STX17: variants seen among roughly 807,000 people sequenced by gnomAD.
STX17 encodes the protein syntaxin 17.
Under a neutral mutation model 35.9 loss-of-function variants are expected in STX17, and 29 were observed. The ratio of observed to expected loss-of-function variants is 0.81; its 90% confidence interval spans 0.60 to 1.10. The LOEUF is 1.10. Ranked by LOEUF, STX17 falls within the 50% of genes least tolerant of loss-of-function variation. The probability of loss-of-function intolerance (pLI) is 0.00; values close to 1 mark genes in which losing one functional copy is unlikely to be tolerated. For missense variants in STX17, 312 were observed against 352.3 expected, an observed-to-expected ratio of 0.89 and a Z score of 0.92; for synonymous variants, 92 against 118.3, an observed-to-expected ratio of 0.78 and a Z score of 1.44.
At chr9:99,952,000 C>A (rs1829610062) in intron 4 of STX17, among the ~76,000 whole-genome samples, 2 of 152,012 alleles carry the variant, frequency 1.3e-5, no homozygotes, top group South Asian at 4.2e-4. Context: ...TTTTTAGCCA[C>A]CAAAAGTCAG....
At chr9:99,956,189 C>T (rs886489215) in intron 4 of STX17, among the ~76,000 whole-genome samples, 1 of 152,040 alleles carries the variant, frequency 6.6e-6, no homozygotes. Context: ...TCAAGTGAGA[C>T]GTAAATGACT....
Position 99,959,913 on chromosome 9 carries a change from C to T in STX17, c.416-4C>T. 6.3e-7 allele frequency: 1 copy of T among 1,593,068 alleles called. No homozygotes were observed. Among genetic ancestry groups the T allele is most frequent in the Non-Finnish European group, 8.6e-7 (1 of 1,163,168 alleles). ...CTAAACATGGGGTTATTATGTTCATCCAGGAGCATTTCATACTACTGAAGC... is the reference window on the plus strand; with the variant it reads ...CTAAACATGGGGTTATTATGTTCATTCAGGAGCATTTCATACTACTGAAGC... On this transcript the variant is annotated splice_polypyrimidine_tract_variant and splice_region_variant and intron_variant, in intron 4 of 7. Coordinates refer to ENST00000259400, the MANE Select transcript of STX17 (RefSeq NM_017919.3).
intron 2 of STX17, among the ~76,000 whole-genome samples, chr9:99,922,584 C>T (rs566584065): frequency 2.0e-4 from 31 of 152,332 alleles, no homozygotes; most frequent in African/African-American, 7.2e-4. Context: ...CTGTGTCTGT[C>T]ATGTGTCCCA....
At chr9:99,959,603 G>A (rs1475932777) in intron 4 of STX17, among the ~76,000 whole-genome samples, 1 of 151,826 alleles carries the variant, frequency 6.6e-6, no homozygotes, top group African/African-American at 2.4e-5. Flanking sequence ...GGGACTACAG[G>A]TGTGTGCCAC....
intron 6 of STX17, among the ~76,000 whole-genome samples, chr9:99,961,550 C>T (rs1452759512): frequency 1.3e-5 from 2 of 152,084 alleles, no homozygotes; most frequent in African/African-American, 4.8e-5. Context: ...TTGTCTTTCT[C>T]AGGAGTTATG....
At position 99,958,121 on chromosome 9, in the gene STX17, C is replaced by T. The variant is rs570143745; in HGVS notation, c.416-1796C>T. On this transcript the variant is annotated intron_variant, in intron 4 of 7. Transcript: ENST00000259400. The stretch of plus-strand genomic sequence containing the variant: ...AGTAGATTTCCAGCCTTAGACTTTG[C>T]TTTTCTCCTCATCACAGTCAGCTAT... Among the ~76,000 whole-genome samples the T allele has an allele frequency of 2.0e-5, 3 of 152,274 alleles. No individual in the cohort carries two copies. The South Asian group carries it at 6.2e-4, about 32-fold the overall frequency.
chr9:99,930,289 A>G (rs1829091991), intron 3 of STX17, among the ~76,000 whole-genome samples: 1 of 150,460 alleles, frequency 6.6e-6, no homozygotes, highest in South Asian at 2.1e-4. Context: ...TTTTTTTGAG[A>G]CAGAGTCGCC....
chr9:99,963,819 T>C lies in STX17; in HGVS notation c.582+3664T>C, dbSNP rs565411345. 4.2e-4 allele frequency among the ~76,000 whole-genome samples: 64 copies of C among 152,324 alleles called. 2 individuals are homozygous for C. The highest frequency in any genetic ancestry group is 1.5e-3 in the African/African-American group (62 of 41,578). On this transcript the variant is annotated intron_variant, in intron 6 of 7. Transcript: ENST00000259400. ...CCAATATAATCACTTATTTTGCCTA[T>C]ATATCATAGTATTTATAAGTTTGTT...
rs556809543 is a variant in STX17, at chr9:99,907,554, C to T, written c.-63+848C>T. Among the ~76,000 whole-genome samples the T allele has an allele frequency of 3.3e-5, 5 of 152,302 alleles. No individual in the cohort carries two copies. The East Asian group carries it at 9.6e-4, about 29-fold the overall frequency. ...AGTTTGTAAAGCACCTGGCACAGTC[C>T]TGGCACCCCTCTCTCCAAGTATTAA... On this transcript the variant is annotated intron_variant, in intron 1 of 7. Transcript: ENST00000259400.
chr9:99,957,773 C>G (rs1158793817), intron 4 of STX17, among the ~76,000 whole-genome samples: 1 of 151,614 alleles, frequency 6.6e-6, no homozygotes, highest in Admixed American at 6.6e-5. Flanking sequence ...TCTGCCTCAG[C>G]CTCCTGAGTA....
At chr9:99,917,695 T>C (rs1828802730) in intron 2 of STX17, among the ~76,000 whole-genome samples, 1 of 152,216 alleles carries the variant, frequency 6.6e-6, no homozygotes, top group Non-Finnish European at 1.5e-5. Context: ...CTTTCTTGGC[T>C]AATGTAAGAT....
At position 99,970,624 on chromosome 9, in the gene STX17, C is replaced by G. The variant is rs1450132306; in HGVS notation, c.*1951C>G. Among the ~76,000 whole-genome samples, 1 of 152,148 alleles carries G rather than the reference C, an allele frequency of 6.6e-6. No homozygotes were observed. Among genetic ancestry groups the G allele is most frequent in the African/African-American group, 2.4e-5 (1 of 41,428 alleles). On this transcript the variant is annotated 3_prime_UTR_variant, in exon 8 of 8. Coordinates refer to ENST00000259400, the MANE Select transcript of STX17 (RefSeq NM_017919.3). ...GTTCCAGGGGTAATTCTGACATCACCCGTCCAGCATAGTCAGCTGAAATTA... is the reference window on the plus strand; with the variant it reads ...GTTCCAGGGGTAATTCTGACATCACGCGTCCAGCATAGTCAGCTGAAATTA...
chr9:99,966,686 C>T (rs1829918746), intron 6 of STX17, among the ~76,000 whole-genome samples: 1 of 152,084 alleles, frequency 6.6e-6, no homozygotes, highest in African/African-American at 2.4e-5. Context: ...GTTGTTTATA[C>T]ATTTGTGATA....
intron 6 of STX17, among the ~76,000 whole-genome samples, chr9:99,960,724 G>A (rs770531931): frequency 2.0e-5 from 3 of 152,210 alleles, no homozygotes; most frequent in Non-Finnish European, 4.4e-5. Context: ...TTACAGGCAT[G>A]AGCCACCACG....
intron 7 of STX17, among the ~76,000 whole-genome samples, 163 bp from the exon 8 acceptor site, chr9:99,968,271 C>T (rs969552321): frequency 2.6e-5 from 4 of 152,180 alleles, no homozygotes; most frequent in Admixed American, 2.6e-4. Context: ...ATTGCAGTAC[C>T]TGTGGAATAC....
intron 1 of STX17, chr9:99,907,023 G>T (rs746824028): frequency 6.6e-6 from 1 of 152,276 alleles, no homozygotes; most frequent in Non-Finnish European, 1.5e-5. Context: ...GGGTCGCCAG[G>T]GTCGCTGGCG....
rs2118520595 is a variant in STX17, at chr9:99,960,259, T to G, written c.582+104T>G. 6.8e-6 allele frequency: 8 copies of G among 1,178,188 alleles called. No individual in the cohort carries two copies. The South Asian group carries it at 1.1e-4, about 17-fold the overall frequency. The allele number at this position is 1,178,188 out of a possible 1,614,324, so 73.0% of individuals were successfully genotyped here. A position where few individuals can be genotyped will look rare whatever the true frequency, so the allele number is the denominator to read the frequency against. On this transcript the variant is annotated intron_variant, in intron 6 of 7. Transcript: ENST00000259400. ...TAGAATTTTAATAGAACTTATAATT[T>G]TTAAGACTGGTATTAAGCCATAGAT...
intron 1 of STX17, 28 bp downstream of exon 1, chr9:99,906,734 G>T (rs1056752117): frequency 3.3e-5 from 5 of 152,306 alleles, no homozygotes; most frequent in African/African-American, 9.6e-5. Context: ...GGCCGCCTTT[G>T]GGGGCGTCGG....
At position 99,951,302 on chromosome 9, in the gene STX17, A is replaced by G. The variant is rs556921593; in HGVS notation, c.415+17A>G. The G allele has an allele frequency of 4.4e-6, 7 of 1,608,696 alleles. No homozygotes were observed. Among genetic ancestry groups the G allele is most frequent in the South Asian group, 1.1e-5 (1 of 90,872 alleles). ...CTGTTGGTGGTAATGTATTGTGCTAAGTCTTATTCTCAGTCACAGTAGTGC... is the reference window on the plus strand; with the variant it reads ...CTGTTGGTGGTAATGTATTGTGCTAGGTCTTATTCTCAGTCACAGTAGTGC... On this transcript the variant is annotated intron_variant, in intron 4 of 7. Transcript: ENST00000259400.
Sources: allele counts gnomAD v4.1 joint callset (sites outside exome capture counted in the v4.1 genomes callset), GRCh38; gene constraint gnomAD v4.1.1; transcripts MANE v1.5; gene names NCBI Gene and HGNC (gene_info 2026-07-23, HGNC 2026-07-21).